Variants in NSUN4 observed in about 807,000 individuals in gnomAD.
NSUN4 encodes NOP2/Sun RNA methyltransferase 4.
Under a neutral mutation model 43.8 loss-of-function variants are expected in NSUN4, and 31 were observed. That is an observed-to-expected ratio of 0.71 (90% CI 0.53 to 0.96). The LOEUF (loss-of-function observed/expected upper bound fraction) is 0.96, where lower values mean the gene tolerates loss of function less well. NSUN4 is among the 40% of genes least tolerant of loss of function. NSUN4 has a pLI of 0.00. For missense variants in NSUN4, 439 were observed against 475.6 expected, an observed-to-expected ratio of 0.92 and a Z score of 0.72; for synonymous variants, 167 against 184.1, an observed-to-expected ratio of 0.91 and a Z score of 0.75.
chr1:46,376,957 C>T, the NSUN4 span, among the ~76,000 whole-genome samples: 1 of 151,886 alleles, frequency 6.6e-6, no homozygotes, highest in Non-Finnish European at 1.5e-5. Flanking sequence ...GGGGTTTCAC[C>T]ATGTTGGCTA....
intron 2 of NSUN4, among the ~76,000 whole-genome samples, chr1:46,346,020 G>A (rs764811743): frequency 2.6e-5 from 4 of 151,652 alleles, no homozygotes; most frequent in Non-Finnish European, 5.9e-5. Flanking sequence ...GTGTGGTGGC[G>A]TGCGCCTGTA....
intron 1 of NSUN4, chr1:46,341,166 C>T: frequency 7.8e-7 from 1 of 1,286,180 alleles, no homozygotes; most frequent in Non-Finnish European, 9.9e-7. Flanking sequence ...TCACCTTCGC[C>T]TTCATTCTTT....
the NSUN4 span, among the ~76,000 whole-genome samples, chr1:46,371,514 G>A: frequency 6.6e-6 from 1 of 152,092 alleles, no homozygotes; most frequent in Admixed American, 6.6e-5. Context: ...TACCATGTTA[G>A]CCAGGATGGT....
intron 3 of NSUN4, among the ~76,000 whole-genome samples, chr1:46,348,918 A>G (rs12562440): frequency 0.4 from 59,112 of 147,396 alleles, 12,018 homozygotes; most frequent in African/African-American, 0.47. Context: ...GGTTCCAAGC[A>G]ATTCTCTTGC....
At position 46,360,228 on chromosome 1, in the gene NSUN4, CAAAAAAAAA is replaced by C. The variant is rs1240539714; in HGVS notation, c.754-462_754-454del. On this transcript the variant is annotated intron_variant, in intron 4 of 5. Transcript: ENST00000474844. ...TGGGCGACAGAGCAAGACTCCATCTCAAAAAAAAAAAAAAAAAAAAAATATATATATATA... is the reference window on the plus strand; with the variant it reads ...TGGGCGACAGAGCAAGACTCCATCTCAAAAAAAAAAAAATATATATATATA... Among the ~76,000 whole-genome samples the C allele has an allele frequency of 3.7e-4, 13 of 35,024 alleles. 1 individual carries two copies. The highest frequency in any genetic ancestry group is 2.0e-3 in the African/African-American group (12 of 5,858). The allele number at this position is 35,024 out of a possible 152,430, so 23.0% of individuals were successfully genotyped here.
chr1:46,369,178 C>T (rs1664198871), downstream of NSUN4, among the ~76,000 whole-genome samples: 1 of 152,230 alleles, frequency 6.6e-6, no homozygotes, highest in African/African-American at 2.4e-5. Flanking sequence ...CTCTTCTGTG[C>T]TCCCCAACCT....
downstream of NSUN4, among the ~76,000 whole-genome samples, chr1:46,367,686 C>G (rs1664166848): frequency 6.6e-6 from 1 of 150,884 alleles, no homozygotes; most frequent in Admixed American, 6.6e-5. Flanking sequence ...CTGATATACT[C>G]TTTTTAGTCC....
chr1:46,361,079 G>A (rs1569771445), intron 5 of NSUN4, among the ~76,000 whole-genome samples: 1 of 152,238 alleles, frequency 6.6e-6, no homozygotes, highest in South Asian at 2.1e-4. Flanking sequence ...CCTAGGAGGT[G>A]GAGGCTGCAG....
intron 1 of NSUN4, chr1:46,343,766 A>T (rs564076088): frequency 2.5e-6 from 1 of 400,874 alleles, no homozygotes; most frequent in East Asian, 3.6e-5. Context: ...AGAGTCCCCA[A>T]ATTAGCAGAG....
chr1:46,352,768 T>C (rs1489043207), intron 3 of NSUN4, 100 bp from the exon 4 acceptor site: 4 of 1,144,728 alleles, frequency 3.5e-6, no homozygotes, highest in African/African-American at 3.0e-5. Flanking sequence ...GGGGTTTGCA[T>C]TGGCTGGGAC....
chr1:46,359,247 C>A (rs7520497), intron 4 of NSUN4, among the ~76,000 whole-genome samples: 33,980 of 151,792 alleles, frequency 0.22, 4,239 homozygotes, highest in Non-Finnish European at 0.29. Flanking sequence ...GTGACAGAGC[C>A]AGACTCCATC....
intron 2 of NSUN4, among the ~76,000 whole-genome samples, chr1:46,345,630 G>T (rs1397052447): frequency 1.3e-5 from 2 of 152,218 alleles, no homozygotes; most frequent in Admixed American, 1.3e-4. Flanking sequence ...TAGCAAAGAG[G>T]TAGTGGGACT....
Position 46,360,612 on chromosome 1 carries a change from C to A in NSUN4, c.754-92C>A, listed in dbSNP as rs1569770441. On this transcript the variant is annotated intron_variant, in intron 4 of 5. Coordinates refer to ENST00000474844, the MANE Select transcript of NSUN4 (RefSeq NM_199044.4). ...AGGGATGGGCAGAGGGAATATTTCA[C>A]AAACTTAGGCCAGGGGCCTAAAACA... is the stretch of plus-strand genomic sequence containing the variant. 2.9e-6 allele frequency: 4 copies of A among 1,393,280 alleles called. No individual in the cohort carries two copies. The East Asian group carries it at 9.3e-5, about 32-fold the overall frequency. The allele number at this position is 1,393,280 out of a possible 1,614,324, so 86.3% of individuals were successfully genotyped here. A position where few individuals can be genotyped will look rare whatever the true frequency, so the allele number is the denominator to read the frequency against.
At chr1:46,350,035 G>A (rs570238537) in intron 3 of NSUN4, among the ~76,000 whole-genome samples, 13 of 152,356 alleles carry the variant, frequency 8.5e-5, no homozygotes, top group Non-Finnish European at 1.8e-4. Context: ...ATTTGTATAA[G>A]AAGGGAAATT....
At position 46,356,945 on chromosome 1, in the gene NSUN4, A is replaced by C. The variant is rs1240055585; in HGVS notation, c.754-3759A>C. Among the ~76,000 whole-genome samples, 3 of 152,174 alleles carry C rather than the reference A, an allele frequency of 2.0e-5. No homozygotes were observed. In the East Asian group the frequency reaches 5.8e-4, roughly 29 times the overall value. ...TTCCCTTATAATACAATATTATACA[A>C]ATTGATATTAATACAAATAATATTT... is the stretch of plus-strand genomic sequence containing the variant. On this transcript the variant is annotated intron_variant, in intron 4 of 5. Coordinates refer to ENST00000474844, the MANE Select transcript of NSUN4 (RefSeq NM_199044.4).
intron 3 of NSUN4, among the ~76,000 whole-genome samples, chr1:46,352,590 A>G (rs939981149): frequency 1.3e-5 from 2 of 151,786 alleles, no homozygotes; most frequent in Non-Finnish European, 2.9e-5. Flanking sequence ...AAGGGGAGAA[A>G]GGGGAGAGAG....
chr1:46,357,219 G>A (rs965227423), intron 4 of NSUN4, among the ~76,000 whole-genome samples: 6 of 152,064 alleles, frequency 3.9e-5, no homozygotes, highest in South Asian at 2.1e-4. Flanking sequence ...CACTCCCATC[G>A]CCCAGGCTGG....
chr1:46,346,134 G>C lies in NSUN4; in HGVS notation c.438-787G>C, dbSNP rs186955031. On this transcript the variant is annotated intron_variant, in intron 2 of 5. Coordinates refer to ENST00000474844, the MANE Select transcript of NSUN4 (RefSeq NM_199044.4). ...CCACCGTACTCCAGTCTGGGCGACA[G>C]AGCGAGACTCTGTCTCAAAAAAAAA... Among the ~76,000 whole-genome samples, 325 of 141,720 alleles carry C rather than the reference G, an allele frequency of 2.3e-3. 4 individuals are homozygous for C. Among genetic ancestry groups the C allele is most frequent in the Non-Finnish European group, 3.6e-4 (24 of 65,810 alleles). The allele number at this position is 141,720 out of a possible 152,430, so 93.0% of individuals were successfully genotyped here. A position where few individuals can be genotyped will look rare whatever the true frequency, so the allele number is the denominator to read the frequency against.
rs1662448329 is a variant in NSUN4 at position 46,345,864 on chromosome 1, T to C, written c.437+720T>C. ...AAAGACTGATTTATTTATTAAAAAA[T>C]ATTGGCCGGGTGTGGTGGCTCACGC... On this transcript the variant is annotated intron_variant, in intron 2 of 5. Transcript: ENST00000474844. Among the ~76,000 whole-genome samples, 4 of 152,068 alleles carry C rather than the reference T, an allele frequency of 2.6e-5. No homozygotes were observed. The South Asian group carries it at 8.3e-4, about 32-fold the overall frequency.
Sources: gnomAD v4.1 joint callset for allele counts (sites outside exome capture counted in the v4.1 genomes callset) on GRCh38, gnomAD v4.1.1 for gene constraint, MANE v1.5 for transcripts, NCBI Gene and HGNC (gene_info 2026-07-23, HGNC 2026-07-21) for gene names.